The following ARID1B variants were observed in gnomAD, a reference collection of about 807,000 sequenced individuals.
The protein encoded by ARID1B is AT-rich interactive domain-containing protein 1B.
A neutral mutation model predicts 212.3 loss-of-function variants in ARID1B; 30 were observed. The observed-to-expected ratio is 0.14, with a 90% CI of 0.11 to 0.19. ARID1B has a LOEUF of 0.19. Among genes scored for constraint, ARID1B ranks in the 10% least tolerant of loss-of-function variants. The pLI is 1.00. For missense variants in ARID1B, 2,891 were observed against 3,204.0 expected, an observed-to-expected ratio of 0.90 and a Z score of 2.36; for synonymous variants, 1,402 against 1,301.7, an observed-to-expected ratio of 1.08 and a Z score of -1.66.
chr6:156,914,681 A>AT (rs1266597246), intron 3 of ARID1B, among the ~76,000 whole-genome samples: 1 of 152,086 alleles, frequency 6.6e-6, no homozygotes, highest in Non-Finnish European at 1.5e-5. Flanking sequence ...TCCTTTCTAC[A>AT]TCTATGTATG....
At chr6:156,811,786 T>C (rs1226900706) in intron 1 of ARID1B, among the ~76,000 whole-genome samples, 1 of 152,200 alleles carries the variant, frequency 6.6e-6, no homozygotes, top group Non-Finnish European at 1.5e-5. Flanking sequence ...AGGGTTTTGA[T>C]GTAGGAATTT....
chr6:157,098,635 C>T (rs1785827168), intron 5 of ARID1B, among the ~76,000 whole-genome samples: 1 of 152,244 alleles, frequency 6.6e-6, no homozygotes. Flanking sequence ...TTTGGTCATA[C>T]TGCCTATTTA....
intron 2 of ARID1B, among the ~76,000 whole-genome samples, chr6:156,899,572 C>T (rs940490916): frequency 2.0e-5 from 3 of 151,250 alleles, no homozygotes; most frequent in Admixed American, 6.6e-5. Context: ...GGTGGTTGCT[C>T]CAGTGAAGAT....
chr6:157,010,285 T>G (rs1163638441), intron 4 of ARID1B, among the ~76,000 whole-genome samples: 31 of 126,488 alleles, frequency 2.5e-4, no homozygotes, highest in African/African-American at 6.3e-4. Flanking sequence ...CCTGTTTTTT[T>G]TTTTTTTTTT....
chr6:157,173,912 A>C, intron 9 of ARID1B, 96 bp from the exon 10 acceptor site: 3 of 1,001,868 alleles, frequency 3.0e-6, no homozygotes, highest in Non-Finnish European at 4.5e-6. Context: ...GGGAAATGCA[A>C]GGGCCTCCTG....
At chr6:156,834,530 TATTA>T (rs916022037) in intron 2 of ARID1B, among the ~76,000 whole-genome samples, 4 of 152,258 alleles carry the variant, frequency 2.6e-5, no homozygotes, top group Non-Finnish European at 4.4e-5. Context: ...TGTATATGTA[TATTA>T]ATTTATATGT....
intron 1 of ARID1B, among the ~76,000 whole-genome samples, chr6:156,802,523 C>T (rs778963932): frequency 1.3e-5 from 2 of 152,048 alleles, no homozygotes; most frequent in Non-Finnish European, 2.9e-5. Flanking sequence ...TAAGGAATGT[C>T]CAGAGGTTTA....
chr6:157,075,755 C>T (rs920360696), intron 4 of ARID1B, among the ~76,000 whole-genome samples: 4 of 152,222 alleles, frequency 2.6e-5, no homozygotes, highest in African/African-American at 9.6e-5. Flanking sequence ...TGGTATTTTC[C>T]CCCAAAATCT....
At chr6:157,065,502 T>A (rs1783620476) in intron 4 of ARID1B, among the ~76,000 whole-genome samples, 1 of 152,264 alleles carries the variant, frequency 6.6e-6, no homozygotes. Context: ...CATCAAGCAC[T>A]GCTTGGGTTG....
At chr6:157,086,329 A>G (rs1180964801) in intron 5 of ARID1B, among the ~76,000 whole-genome samples, 1 of 152,184 alleles carries the variant, frequency 6.6e-6, no homozygotes, top group Non-Finnish European at 1.5e-5. Context: ...TTGTCCTCAT[A>G]GTGTTTGTAA....
chr6:157,002,620 T>C (rs1778972907), intron 4 of ARID1B, among the ~76,000 whole-genome samples: 1 of 152,250 alleles, frequency 6.6e-6, no homozygotes, highest in South Asian at 2.1e-4. Flanking sequence ...TTAAAAACAT[T>C]AAAATAATTT....
chr6:156,834,368 C>G (rs906481486), intron 2 of ARID1B, among the ~76,000 whole-genome samples: 1 of 152,078 alleles, frequency 6.6e-6, no homozygotes, highest in Non-Finnish European at 1.5e-5. Context: ...GAATGGGTGC[C>G]TGGTGCCTGT....
chr6:157,128,758 A>C (rs773019508), intron 6 of ARID1B, among the ~76,000 whole-genome samples: 7 of 152,236 alleles, frequency 4.6e-5, no homozygotes, highest in Non-Finnish European at 1.0e-4. Context: ...ACAGACATTT[A>C]TAGAAAAGGA....
chr6:156,913,450 C>T (rs906186098), intron 3 of ARID1B, among the ~76,000 whole-genome samples: 22 of 152,006 alleles, frequency 1.4e-4, no homozygotes, highest in African/African-American at 2.7e-4. Flanking sequence ...AACTCCTGAC[C>T]TTGTGATCTG....
chr6:157,163,526 C>G (rs1391528425), intron 8 of ARID1B, among the ~76,000 whole-genome samples: 1 of 152,198 alleles, frequency 6.6e-6, no homozygotes, highest in Non-Finnish European at 1.5e-5. Context: ...AGGATTTCCT[C>G]TGCAATGGTG....
intron 3 of ARID1B, among the ~76,000 whole-genome samples, chr6:156,902,734 T>TAA (rs1789049485): frequency 4.5e-5 from 2 of 44,334 alleles, no homozygotes; most frequent in African/African-American, 1.1e-4. Flanking sequence ...AGACTCTGTC[T>TAA]CAAAAAAAAA....
intron 5 of ARID1B, among the ~76,000 whole-genome samples, chr6:157,110,079 T>C (rs1342105153): frequency 1.3e-5 from 2 of 152,214 alleles, no homozygotes; most frequent in Non-Finnish European, 2.9e-5. Flanking sequence ...GATATTACCA[T>C]GAGTAATTGT....
At chr6:156,999,913 AAGAC>A in intron 4 of ARID1B, among the ~76,000 whole-genome samples, 1 of 152,350 alleles carries the variant, frequency 6.6e-6, no homozygotes, top group East Asian at 1.9e-4. Context: ...CTAGAAGAGA[AAGAC>A]AACCAATAAG....
intron 2 of ARID1B, among the ~76,000 whole-genome samples, chr6:156,895,735 TACAC>T (rs79108130): frequency 0.057 from 8,517 of 150,352 alleles, 266 homozygotes; most frequent in Middle Eastern, 0.12. Context: ...TACAGGTGTA[TACAC>T]ACACACACAC....
Sources: gnomAD v4.1 joint callset for allele counts (sites outside exome capture counted in the v4.1 genomes callset) on GRCh38, gnomAD v4.1.1 for gene constraint, MANE v1.5 for transcripts, NCBI Gene and HGNC (gene_info 2026-07-23, HGNC 2026-07-21) for gene names.